SUPT3H: variants seen among roughly 807,000 people sequenced by gnomAD.
SUPT3H encodes transcription initiation protein SPT3 homolog.
Under a neutral mutation model 44.3 loss-of-function variants are expected in SUPT3H, and 44 were observed. The ratio of observed to expected loss-of-function variants is 0.99; its 90% CI spans 0.78 to 1.28. The LOEUF (loss-of-function observed/expected upper bound fraction) is 1.28. Among genes scored for constraint, SUPT3H ranks in the 50% most tolerant of loss-of-function variants. The probability of loss-of-function intolerance (pLI) is 0.00; values close to 1 mark genes in which losing one functional copy is unlikely to be tolerated. For missense variants in SUPT3H, 380 were observed against 387.1 expected, an observed-to-expected ratio of 0.98 and a Z score of 0.15; for synonymous variants, 124 against 125.6, an observed-to-expected ratio of 0.99 and a Z score of 0.09.
intron 5 of SUPT3H, among the ~76,000 whole-genome samples, chr6:45,004,736 A>G (rs1782467825): frequency 6.6e-6 from 1 of 152,046 alleles, no homozygotes; most frequent in Non-Finnish European, 1.5e-5. Context: ...TCATTTATAG[A>G]GCTGTTTTAT....
chr6:45,302,789 G>A (rs868571926), intron 2 of SUPT3H, among the ~76,000 whole-genome samples: 5 of 152,010 alleles, frequency 3.3e-5, no homozygotes, highest in Admixed American at 1.3e-4. Context: ...GGTTGTACTA[G>A]TTTACATTCC....
intron 10 of SUPT3H, among the ~76,000 whole-genome samples, chr6:44,889,056 C>T (rs1420123008): frequency 6.6e-6 from 1 of 151,092 alleles, no homozygotes; most frequent in African/African-American, 2.4e-5. Context: ...ATCCAACTTA[C>T]AAGGGATGTG....
At chr6:44,903,799 C>T (rs569516171) in intron 10 of SUPT3H, among the ~76,000 whole-genome samples, 12 of 152,182 alleles carry the variant, frequency 7.9e-5, no homozygotes, top group South Asian at 2.1e-4. Context: ...ACTGGCAAAC[C>T]GAATCCAGCA....
At chr6:45,021,280 T>C (rs1261322835) in intron 3 of SUPT3H, among the ~76,000 whole-genome samples, 1 of 151,878 alleles carries the variant, frequency 6.6e-6, no homozygotes, top group Non-Finnish European at 1.5e-5. Context: ...CCCCCTGAAA[T>C]GTTCATCTAG....
chr6:45,130,202 T>C (rs1193157377), intron 2 of SUPT3H, among the ~76,000 whole-genome samples: 2 of 152,188 alleles, frequency 1.3e-5, no homozygotes, highest in African/African-American at 4.8e-5. Context: ...TCTCAGCATC[T>C]TCCCTGCCTC....
chr6:44,902,846 C>A (rs1278607970), intron 10 of SUPT3H, among the ~76,000 whole-genome samples: 1 of 152,164 alleles, frequency 6.6e-6, no homozygotes, highest in Non-Finnish European at 1.5e-5. Flanking sequence ...GACCACAGTG[C>A]AATCAAACCA....
chr6:44,989,537 G>T (rs530110297), intron 6 of SUPT3H, among the ~76,000 whole-genome samples: 51 of 152,164 alleles, frequency 3.4e-4, no homozygotes, highest in Non-Finnish European at 6.0e-4. Flanking sequence ...AGCATTGCTG[G>T]ATCATCTGAT....
At chr6:45,270,333 G>A (rs1402145690) in intron 2 of SUPT3H, among the ~76,000 whole-genome samples, 3 of 152,006 alleles carry the variant, frequency 2.0e-5, no homozygotes, top group African/African-American at 7.3e-5. Flanking sequence ...TGGTTTGGCT[G>A]TGTCCCCACC....
chr6:45,308,221 A>T (rs956831221), intron 2 of SUPT3H, among the ~76,000 whole-genome samples: 13 of 152,168 alleles, frequency 8.5e-5, no homozygotes, highest in Non-Finnish European at 1.8e-4. Flanking sequence ...AGGCAGGCCA[A>T]CATGCAAAAT....
At chr6:45,315,935 AG>A (rs1784615913) in intron 2 of SUPT3H, among the ~76,000 whole-genome samples, 1 of 143,980 alleles carries the variant, frequency 6.9e-6, no homozygotes, top group Admixed American at 6.8e-5. Context: ...ATAGATAGAT[AG>A]ATAGATAGAT....
At chr6:45,176,206 C>G (rs987908867) in intron 2 of SUPT3H, among the ~76,000 whole-genome samples, 5 of 151,950 alleles carry the variant, frequency 3.3e-5, no homozygotes, top group Non-Finnish European at 7.4e-5. Context: ...GGGCGCAGGT[C>G]AGTGGGTGCG....
intron 2 of SUPT3H, among the ~76,000 whole-genome samples, chr6:45,259,954 T>G (rs1218150062): frequency 6.6e-6 from 1 of 152,184 alleles, no homozygotes; most frequent in Non-Finnish European, 1.5e-5. Flanking sequence ...TTAACACAGA[T>G]TAAATAAAGA....
rs542274146 is a variant in SUPT3H at position 45,171,910 on chromosome 6, G to T, written c.102-65904C>A. Among the ~76,000 whole-genome samples the T allele has an allele frequency of 2.0e-5, 3 of 150,986 alleles. No individual in the cohort carries two copies. The South Asian group carries it at 6.3e-4, about 32-fold the overall frequency. ...TTTTTGTATTTTAAGTACAGACAGG[G>T]TTTCACCATGGTGGCCTGGCTGGTC... On this transcript the variant is annotated intron_variant, in intron 2 of 10. Transcript: ENST00000371459.
intron 2 of SUPT3H, among the ~76,000 whole-genome samples, chr6:45,106,839 A>G (rs1215405655): frequency 6.6e-6 from 1 of 152,216 alleles, no homozygotes; most frequent in Non-Finnish European, 1.5e-5. Context: ...CCCGCCTTGT[A>G]CAGTATTTTT....
downstream of SUPT3H, among the ~76,000 whole-genome samples, chr6:44,825,156 T>C (rs79317525): frequency 2.6e-3 from 391 of 152,340 alleles, 2 homozygotes; most frequent in African/African-American, 8.6e-3. Flanking sequence ...TTGAGGAATT[T>C]TTTCCCATAA....
chr6:45,266,386 C>T (rs962457174), intron 2 of SUPT3H, among the ~76,000 whole-genome samples: 1 of 151,726 alleles, frequency 6.6e-6, no homozygotes, highest in African/African-American at 2.4e-5. Flanking sequence ...CAAAGTGATA[C>T]TTAACCTCAA....
intron 10 of SUPT3H, among the ~76,000 whole-genome samples, chr6:44,904,816 A>T (rs1183770017): frequency 1.3e-5 from 2 of 152,234 alleles, no homozygotes; most frequent in Non-Finnish European, 2.9e-5. Context: ...TGGCACCAAA[A>T]CAGAGATATA....
chr6:45,024,800 CATCCA>C (rs1785708403), intron 3 of SUPT3H, among the ~76,000 whole-genome samples: 1 of 152,150 alleles, frequency 6.6e-6, no homozygotes, highest in African/African-American at 2.4e-5. Flanking sequence ...GGGTGGGCCC[CATCCA>C]ATCAGTTGAA....
intron 2 of SUPT3H, among the ~76,000 whole-genome samples, chr6:45,281,306 G>A (rs187419562): frequency 1.6e-3 from 251 of 152,328 alleles, no homozygotes; most frequent in African/African-American, 5.7e-3. Flanking sequence ...CGCATCACCC[G>A]CGAAGCGCAA....
Sources: allele counts gnomAD v4.1 joint callset (sites outside exome capture counted in the v4.1 genomes callset), GRCh38; gene constraint gnomAD v4.1.1; transcripts MANE v1.5; gene names NCBI Gene and HGNC (gene_info 2026-07-23, HGNC 2026-07-21).